PRKCA: variants seen among roughly 807,000 people sequenced by gnomAD.
The protein encoded by PRKCA is protein kinase C alpha type.
A neutral mutation model predicts 87.0 loss-of-function variants in PRKCA; 27 were observed. The ratio of observed to expected loss-of-function variants is 0.31; its 90% confidence interval spans 0.23 to 0.43. PRKCA has a LOEUF of 0.43. Among genes scored for constraint, PRKCA ranks in the 20% least tolerant of loss-of-function variants. The probability of loss-of-function intolerance (pLI) is 1.00; values close to 1 mark genes in which losing one functional copy is unlikely to be tolerated. For synonymous variants in PRKCA, 329 were observed against 311.1 expected, an observed-to-expected ratio of 1.06 and a Z score of -0.61; for missense variants, 518 against 852.3, an observed-to-expected ratio of 0.61 and a Z score of 4.88.
At chr17:66,757,640 GA>G (rs879730528) in intron 13 of PRKCA, among the ~76,000 whole-genome samples, 9 of 150,142 alleles carry the variant, frequency 6.0e-5, no homozygotes, top group Admixed American at 5.3e-4. Flanking sequence ...AAGGGAAGGA[GA>G]AATAAAGACT....
intron 4 of PRKCA, among the ~76,000 whole-genome samples, 171 bp from the exon 5 acceptor site, chr17:66,645,212 G>A (rs1971420077): frequency 6.6e-6 from 1 of 152,178 alleles, no homozygotes; most frequent in Non-Finnish European, 1.5e-5. Flanking sequence ...CTCACATGAA[G>A]CCTGTGCTGT....
intron 2 of PRKCA, among the ~76,000 whole-genome samples, chr17:66,454,199 T>C (rs1038698636): frequency 6.6e-6 from 1 of 152,212 alleles, no homozygotes. Flanking sequence ...GTCACTTGCA[T>C]GTGGCAGCTT....
chr17:66,410,425 G>T (rs1333914042), intron 2 of PRKCA, among the ~76,000 whole-genome samples: 1 of 152,100 alleles, frequency 6.6e-6, no homozygotes, highest in East Asian at 1.9e-4. Context: ...CCTTGTTTGA[G>T]GGATCTTTTG....
intron 2 of PRKCA, among the ~76,000 whole-genome samples, chr17:66,444,517 G>A (rs574319098): frequency 3.3e-4 from 51 of 152,262 alleles, no homozygotes; most frequent in Non-Finnish European, 6.8e-4. Flanking sequence ...AGGCATATGA[G>A]GGCTCAGGAC....
chr17:66,698,817 T>G (rs1022886022), intron 8 of PRKCA, among the ~76,000 whole-genome samples: 1 of 56,034 alleles, frequency 1.8e-5, no homozygotes, highest in Non-Finnish European at 3.6e-5. Context: ...CTACTAAAAA[T>G]ACAAAAAAAA....
chr17:66,361,578 T>C (rs1010995704), intron 2 of PRKCA, among the ~76,000 whole-genome samples: 5 of 152,176 alleles, frequency 3.3e-5, no homozygotes, highest in African/African-American at 1.2e-4. Context: ...CCCAAAATGC[T>C]AGGATTATAG....
At chr17:66,642,896 G>T (rs1971343933) in intron 4 of PRKCA, among the ~76,000 whole-genome samples, 1 of 152,000 alleles carries the variant, frequency 6.6e-6, no homozygotes, top group Admixed American at 6.6e-5. Flanking sequence ...TGCAAAATTA[G>T]TCTGGTGGTG....
At chr17:66,521,744 A>G (rs1206258722) in intron 3 of PRKCA, among the ~76,000 whole-genome samples, 3 of 152,190 alleles carry the variant, frequency 2.0e-5, no homozygotes, top group Non-Finnish European at 2.9e-5. Context: ...GCCAAATTCA[A>G]ATATCTTGTA....
intron 3 of PRKCA, among the ~76,000 whole-genome samples, chr17:66,560,137 C>T (rs1311981549): frequency 6.6e-6 from 1 of 152,020 alleles, no homozygotes; most frequent in Non-Finnish European, 1.5e-5. Flanking sequence ...CATTGGAGAG[C>T]TGATGGGGGT....
chr17:66,532,432 C>T (rs190024044), intron 3 of PRKCA, among the ~76,000 whole-genome samples: 1 of 151,706 alleles, frequency 6.6e-6, no homozygotes, highest in Admixed American at 6.6e-5. Context: ...GTGGTGCGAT[C>T]TTGGCTCACT....
chr17:66,391,808 A>C (rs571030060), intron 2 of PRKCA, among the ~76,000 whole-genome samples: 2 of 152,032 alleles, frequency 1.3e-5, no homozygotes, highest in African/African-American at 2.4e-5. Flanking sequence ...CACTCTGTCT[A>C]TCTCCCTCCC....
intron 3 of PRKCA, among the ~76,000 whole-genome samples, chr17:66,620,638 G>A (rs1305797853): frequency 6.6e-6 from 1 of 152,200 alleles, no homozygotes; most frequent in Non-Finnish European, 1.5e-5. Flanking sequence ...GTCTGCTACT[G>A]GAAGGGAATT....
rs571359490 is a variant in PRKCA at position 66,564,617 on chromosome 17, T to C, written c.288+68334T>C. Among the ~76,000 whole-genome samples the C allele has an allele frequency of 2.6e-5, 4 of 152,288 alleles. No individual in the cohort carries two copies. In the South Asian group the frequency reaches 8.3e-4, roughly 32 times the overall value. On this transcript the variant is annotated intron_variant, in intron 3 of 16. Transcript: ENST00000413366. ...ACAAAACCCATGACTTTGTGGGTTTTAGTACATTAGATTTGGATATTATCA... is the reference window on the plus strand; with the variant it reads ...ACAAAACCCATGACTTTGTGGGTTTCAGTACATTAGATTTGGATATTATCA...
chr17:66,416,180 G>A (rs1912135582), intron 2 of PRKCA: 1 of 152,214 alleles, frequency 6.6e-6, no homozygotes, highest in African/African-American at 2.4e-5. Flanking sequence ...CCTCTACTGA[G>A]GTGGCTGATA....
chr17:66,492,189 A>C (rs995113207), intron 2 of PRKCA, among the ~76,000 whole-genome samples: 5 of 152,152 alleles, frequency 3.3e-5, no homozygotes, highest in Non-Finnish European at 7.4e-5. Flanking sequence ...CAGTCCTTCA[A>C]ATGGGAAGCT....
At chr17:66,444,216 C>T (rs886758132) in intron 2 of PRKCA, among the ~76,000 whole-genome samples, 10 of 152,164 alleles carry the variant, frequency 6.6e-5, no homozygotes, top group African/African-American at 2.4e-4. Context: ...TGGGTGCTGA[C>T]CTGGCTCTAC....
At chr17:66,486,182 A>G (rs896180284) in intron 2 of PRKCA, among the ~76,000 whole-genome samples, 1 of 152,142 alleles carries the variant, frequency 6.6e-6, no homozygotes, top group Non-Finnish European at 1.5e-5. Context: ...TTTGTCATAT[A>G]CTTATCTTTA....
At chr17:66,476,817 AG>A (rs1169094529) in intron 2 of PRKCA, among the ~76,000 whole-genome samples, 1 of 152,178 alleles carries the variant, frequency 6.6e-6, no homozygotes, top group African/African-American at 2.4e-5. Context: ...TCCTGTTAAA[AG>A]ACCTGTACTT....
chr17:66,415,160 G>T (rs1290857991), intron 2 of PRKCA: 1 of 151,924 alleles, frequency 6.6e-6, no homozygotes, highest in Admixed American at 6.6e-5. Flanking sequence ...ATATTTCATA[G>T]TAAAGTCTAG....
Sources: allele counts gnomAD v4.1 joint callset (sites outside exome capture counted in the v4.1 genomes callset), GRCh38; gene constraint gnomAD v4.1.1; transcripts MANE v1.5; gene names NCBI Gene and HGNC (gene_info 2026-07-23, HGNC 2026-07-21).